The following DNAJC18 variants were observed in gnomAD, a reference collection of about 807,000 sequenced individuals.
DNAJC18 encodes DnaJ heat shock protein family (Hsp40) member C18.
Under a neutral mutation model 48.6 loss-of-function variants are expected in DNAJC18, and 40 were observed. The observed-to-expected ratio is 0.82, with a 90% CI of 0.64 to 1.07. The LOEUF (loss-of-function observed/expected upper bound fraction) is 1.07, where lower values mean the gene tolerates loss of function less well. DNAJC18 is among the 50% of genes least tolerant of loss of function. The pLI is 0.00. For missense variants in DNAJC18, 340 were observed against 427.7 expected (o/e 0.79, Z 1.81); for synonymous variants, 135 against 152.2 (o/e 0.89, Z 0.83).
At chr5:139,429,414 G>A (rs1310871562) in intron 2 of DNAJC18, among the ~76,000 whole-genome samples, 3 of 152,036 alleles carry the variant, frequency 2.0e-5, no homozygotes, top group Non-Finnish European at 4.4e-5. Context: ...ACATACACAT[G>A]ATAGAAGAAA....
chr5:139,411,939 A>G lies in DNAJC18; in HGVS notation c.*2209T>C, dbSNP rs1037151447. 6.6e-6 allele frequency: 1 copy of G among 152,098 alleles called. No individual in the cohort carries two copies. The highest frequency in any genetic ancestry group is 2.4e-5 in the African/African-American group (1 of 41,406). 9.4% of individuals were successfully genotyped at this position (152,098 alleles called of 1,614,324 possible). On this transcript the variant is annotated 3_prime_UTR_variant, in exon 8 of 8. Transcript: ENST00000302060. ...TTTGTGTGTAGAAGAACTTTCCATA[A>G]GCCTGTTTGGCTCATGGACATATTT...
chr5:139,430,334 C>T (rs1438469048), intron 2 of DNAJC18, among the ~76,000 whole-genome samples: 1 of 152,182 alleles, frequency 6.6e-6, no homozygotes, highest in East Asian at 1.9e-4. Context: ...AGACCTATCC[C>T]CTAAAAGGGT....
At chr5:139,431,720 G>A (rs1759332430) in intron 2 of DNAJC18, among the ~76,000 whole-genome samples, 1 of 152,170 alleles carries the variant, frequency 6.6e-6, no homozygotes, top group Admixed American at 6.5e-5. Flanking sequence ...TATACTAGGA[G>A]TAGATTGCTA....
At chr5:139,417,858 G>A (rs1178322689) in intron 7 of DNAJC18, among the ~76,000 whole-genome samples, 2 of 152,110 alleles carry the variant, frequency 1.3e-5, no homozygotes, top group African/African-American at 4.8e-5. Context: ...ACAGGCATGA[G>A]CCACCACACC....
intron 7 of DNAJC18, among the ~76,000 whole-genome samples, chr5:139,417,324 A>G (rs1759084915): frequency 6.6e-6 from 1 of 152,242 alleles, no homozygotes; most frequent in African/African-American, 2.4e-5. Flanking sequence ...GTATTTTGCC[A>G]AGAGTGAACT....
rs1320984213 is a variant in DNAJC18, at chr5:139,411,576, T to C, written c.*2572A>G. 6.6e-6 allele frequency: 1 copy of C among 152,212 alleles called. No homozygotes were observed. The highest frequency in any genetic ancestry group is 1.5e-5 in the Non-Finnish European group (1 of 68,036). The allele number at this position is 152,212 out of a possible 1,614,324, so 9.4% of individuals were successfully genotyped here. A position where few individuals can be genotyped will look rare whatever the true frequency, so the allele number is the denominator to read the frequency against. ...CCCAGGAAATTATAGCTTCACAATA[T>C]TCTGGATAGTATCAAATAGATAAAT... On this transcript the variant is annotated 3_prime_UTR_variant, in exon 8 of 8. Coordinates refer to ENST00000302060, the MANE Select transcript of DNAJC18 (RefSeq NM_152686.4).
rs1218812532 is a variant in DNAJC18 at position 139,425,087 on chromosome 5, G to A, written c.587C>T (p.Thr196Ile). 27 of 1,612,588 alleles carry A rather than the reference G, an allele frequency of 1.7e-5. No homozygotes were observed. The highest frequency in any genetic ancestry group is 2.2e-5 in the Non-Finnish European group (26 of 1,178,944). Residue 196 changes from threonine to isoleucine, a missense_variant, in exon 5 of 8, where the codon ACA (threonine) becomes ATA (isoleucine). Transcript: ENST00000302060. ...TCGACGGTAATAGTAAGTGTCATCT[G>A]TCACATTTGAAAACATATGAATATT... ...TGNIHMFSNV[T>I]DDTYYYRRRH...
At chr5:139,423,130 C>A (rs984659549) in intron 5 of DNAJC18, among the ~76,000 whole-genome samples, 2 of 152,044 alleles carry the variant, frequency 1.3e-5, no homozygotes, top group Non-Finnish European at 2.9e-5. Context: ...CTGCGCCTGG[C>A]CTGTAAGTGT....
intron 2 of DNAJC18, among the ~76,000 whole-genome samples, chr5:139,433,771 T>C (rs560106834): frequency 1.4e-4 from 21 of 152,284 alleles, no homozygotes; most frequent in African/African-American, 4.8e-4. Context: ...TATAATAGAT[T>C]TGTGTATATT....
intron 2 of DNAJC18, among the ~76,000 whole-genome samples, 183 bp downstream of exon 2, chr5:139,437,189 T>C (rs1411959400): frequency 1.3e-5 from 2 of 152,188 alleles, no homozygotes; most frequent in Non-Finnish European, 2.9e-5. Flanking sequence ...AGCAGGGTAG[T>C]CAGTTCATGT....
Position 139,413,048 on chromosome 5 carries a change from G to A in DNAJC18, c.*1100C>T. 1 of 397,452 alleles carries A rather than the reference G, an allele frequency of 2.5e-6. No individual in the cohort carries two copies. The highest frequency in any genetic ancestry group is 4.4e-6 in the Non-Finnish European group (1 of 225,904). 24.6% of individuals were successfully genotyped at this position (397,452 alleles called of 1,614,324 possible). ...GCCAATGTTCTCATTCATAGAACCA[G>A]GGATAATACATCTACTTCAGAGTTG... On this transcript the variant is annotated 3_prime_UTR_variant, in exon 8 of 8. Transcript: ENST00000302060.
Position 139,437,451 on chromosome 5 carries a change from ACTT to A in DNAJC18, c.145_147del (p.Lys49del). 1 of 1,614,116 alleles carries A rather than the reference ACTT, an allele frequency of 6.2e-7. No homozygotes were observed. Among genetic ancestry groups the A allele is most frequent in the Non-Finnish European group, 8.5e-7 (1 of 1,180,024 alleles). On this transcript the variant is annotated inframe_deletion, in exon 2 of 8. Transcript: ENST00000302060. The stretch of plus-strand genomic sequence containing the variant: ...CGGGTCTGAGTCCACTCATTCTCAG[ACTT>A]CTTTTCCTTTTGTGCCTTCATGCAG...
At position 139,426,188 on chromosome 5, in the gene DNAJC18, T is replaced by C. The variant is rs372496249; in HGVS notation, c.543A>G (p.Gly181=). ...GAGACTAACCTGTAGGAAAATGTCC[T>C]CCAAAGAAGACGTTGAACAGCTCTT... is the stretch of plus-strand genomic sequence containing the variant. The part of the protein sequence containing the change: ...TPEELFNVFF[G]GHFPTGNIHM... The change falls in exon 4 of 8, where the codon GGA becomes GGG. Residue 181 remains glycine, a synonymous_variant. Coordinates refer to ENST00000302060, the MANE Select transcript of DNAJC18 (RefSeq NM_152686.4). 3 of 1,613,900 alleles carry C rather than the reference T, an allele frequency of 1.9e-6. No homozygotes were observed. The African/African-American group carries it at 4.0e-5, about 22-fold the overall frequency.
chr5:139,430,702 T>G (rs1260934800), intron 2 of DNAJC18, among the ~76,000 whole-genome samples: 1 of 151,930 alleles, frequency 6.6e-6, no homozygotes. Flanking sequence ...CCCGAGTAGC[T>G]GTGACTACAG....
chr5:139,436,525 T>C (rs1025545512), intron 2 of DNAJC18, among the ~76,000 whole-genome samples: 1 of 143,026 alleles, frequency 7.0e-6, no homozygotes, highest in African/African-American at 2.6e-5. Flanking sequence ...CTTTTTTTTT[T>C]TTTTTTTTTT....
At position 139,428,645 on chromosome 5, in the gene DNAJC18, A is replaced by C; in HGVS notation, c.266T>G (p.Val89Gly). 2 of 1,612,608 alleles carry C rather than the reference A, an allele frequency of 1.2e-6. No individual in the cohort carries two copies. Among genetic ancestry groups the C allele is most frequent in the Non-Finnish European group, 1.7e-6 (2 of 1,179,630 alleles). ...KCRNYYEILG[V>G]SRDASDEELK... Reference sequence around the variant, plus strand: ...CTCTTCGTCACTAGCATCTCGAGAAACTCCCAGAATTTCATAGTAATTTCT... The same window carrying C: ...CTCTTCGTCACTAGCATCTCGAGAACCTCCCAGAATTTCATAGTAATTTCT... The change falls in exon 3 of 8, where the codon GTT becomes GGT. Residue 89 changes from valine to glycine, a missense_variant. Transcript: ENST00000302060.
At chr5:139,433,194 T>C (rs1487062128) in intron 2 of DNAJC18, among the ~76,000 whole-genome samples, 1 of 152,184 alleles carries the variant, frequency 6.6e-6, no homozygotes, top group Non-Finnish European at 1.5e-5. Flanking sequence ...TGCAATGTTT[T>C]CTTACCTGCT....
chr5:139,437,579 A>G (rs1485218271), intron 1 of DNAJC18, 21 bp from the exon 2 acceptor site: 5 of 1,601,664 alleles, frequency 3.1e-6, no homozygotes, highest in South Asian at 1.1e-5. Flanking sequence ...CAGCCCCTCC[A>G]TTAGGTCTCC....
chr5:139,412,829 G>C lies in DNAJC18; in HGVS notation c.*1319C>G. 1 of 398,708 alleles carries C rather than the reference G, an allele frequency of 2.5e-6. No individual in the cohort carries two copies. 24.7% of individuals were successfully genotyped at this position (398,708 alleles called of 1,614,324 possible). ...TAAAGAGCAGCAGGGATGTTGTCCT[G>C]AACAGATGCAAGATTGCCACAGAAA... On this transcript the variant is annotated 3_prime_UTR_variant, in exon 8 of 8. Coordinates refer to ENST00000302060, the MANE Select transcript of DNAJC18 (RefSeq NM_152686.4).
Sources: allele counts gnomAD v4.1 joint callset (sites outside exome capture counted in the v4.1 genomes callset), GRCh38; gene constraint gnomAD v4.1.1; transcripts MANE v1.5; gene names NCBI Gene and HGNC (gene_info 2026-07-23, HGNC 2026-07-21).